Variants in CEACAM19 observed in about 807,000 individuals in gnomAD.
CEACAM19 encodes cell adhesion molecule CEACAM19.
A neutral mutation model predicts 37.6 loss-of-function variants in CEACAM19; 37 were observed. The ratio of observed to expected loss-of-function variants is 0.98; its 90% CI spans 0.76 to 1.29. The LOEUF is 1.29. CEACAM19 is among the 50% of genes most tolerant of loss of function. CEACAM19 has a pLI of 0.00. For missense variants in CEACAM19, 340 were observed against 375.6 expected, an observed-to-expected ratio of 0.91 and a Z score of 0.78; for synonymous variants, 140 against 149.8, an observed-to-expected ratio of 0.93 and a Z score of 0.48.
chr19:44,672,669 T>G lies in CEACAM19; in HGVS notation c.129T>G (p.Pro43=), dbSNP rs1973876500. 4 of 1,538,086 alleles carry G rather than the reference T, an allele frequency of 2.6e-6. No homozygotes were observed. In the East Asian group the frequency reaches 9.5e-5, roughly 36 times the overall value. ...ALYIQKIPEQ[P]QKNQDLLLSV... ...ACATCCAGAAGATTCCAGAGCAGCC[T>G]CAAAAGAACCAGGACCTTCTCCTGT... The change falls in exon 2 of 8, where the codon CCT becomes CCG. Residue 43 remains proline (P), a synonymous_variant. Transcript: ENST00000358777.
At chr19:44,680,565 C>A (rs546795272) in intron 5 of CEACAM19, among the ~76,000 whole-genome samples, 1 of 152,096 alleles carries the variant, frequency 6.6e-6, no homozygotes, top group East Asian at 1.9e-4. Context: ...TCCCATCATG[C>A]AAGTGGATCC....
rs867485869 is a variant in CEACAM19 at position 44,676,345 on chromosome 19, C to T, written c.499C>T (p.Leu167Phe). ...CCTGGCGGCCACCATCATTGGATCT[C>T]TTGCTGCCGGGGCCCTTCTCATCAG... is the stretch of plus-strand genomic sequence containing the variant. ...GILAATIIGS[L>F]AAGALLISCI... Residue 167 changes from leucine (L) to phenylalanine (F), a missense_variant, in exon 3 of 8, where the codon CTT (leucine) becomes TTT (phenylalanine). Leu to Phe is a conservative substitution (Grantham distance 22, BLOSUM62 0). Transcript: ENST00000358777. The T allele has an allele frequency of 1.9e-6, 3 of 1,614,168 alleles. No homozygotes were observed. In the Middle Eastern group the frequency reaches 4.9e-4, roughly 266 times the overall value.
rs563234535 is a variant in CEACAM19, at chr19:44,683,790, C to T, written c.*300C>T. On this transcript the variant is annotated 3_prime_UTR_variant, in exon 8 of 8. Coordinates refer to ENST00000358777, the MANE Select transcript of CEACAM19 (RefSeq NM_001127893.3). ...CTCTGGCCCCTTTCCATGCCAAAGT[C>T]CCCCAAGATCTGGATATCTGGGGAC... is the stretch of plus-strand genomic sequence containing the variant. 6.0e-6 allele frequency: 2 copies of T among 335,446 alleles called. No homozygotes were observed. The highest frequency in any genetic ancestry group is 2.1e-5 in the African/African-American group (1 of 47,196). 20.8% of individuals were successfully genotyped at this position (335,446 alleles called of 1,614,324 possible).
chr19:44,672,994 G>C, intron 2 of CEACAM19, 30 bp downstream of exon 2: 1 of 1,443,976 alleles, frequency 6.9e-7, no homozygotes, highest in Non-Finnish European at 9.1e-7. Flanking sequence ...GATGAGGTGA[G>C]GAAGCTAATG....
intron 2 of CEACAM19, among the ~76,000 whole-genome samples, chr19:44,673,293 G>A (rs1973890611): frequency 6.6e-6 from 1 of 152,180 alleles, no homozygotes; most frequent in Non-Finnish European, 1.5e-5. Context: ...CAATCTTTAT[G>A]TTTATAAAGC....
intron 2 of CEACAM19, among the ~76,000 whole-genome samples, chr19:44,676,069 C>T (rs867443139): frequency 1.7e-4 from 26 of 152,134 alleles, no homozygotes; most frequent in African/African-American, 5.8e-4. Context: ...CACGCCCAGC[C>T]CGCTGGGACA....
chr19:44,671,599 G>T lies in CEACAM19; in HGVS notation c.-333G>T. ...AACCCAGGGGAATTGTTCAAACAGAGGCTGTTATGACTATTGCTACAGTGA... is the reference window on the plus strand; with the variant it reads ...AACCCAGGGGAATTGTTCAAACAGATGCTGTTATGACTATTGCTACAGTGA... On this transcript the variant is annotated 5_prime_UTR_variant, in exon 1 of 8. The change creates a new upstream start codon in the 5' untranslated region. Transcript: ENST00000358777. 2.4e-6 allele frequency: 1 copy of T among 421,116 alleles called. No individual in the cohort carries two copies. Among genetic ancestry groups the T allele is most frequent in the South Asian group, 9.7e-5 (1 of 10,264 alleles). 26.1% of individuals were successfully genotyped at this position (421,116 alleles called of 1,614,324 possible).
intron 6 of CEACAM19, 44 bp from the exon 7 acceptor site, chr19:44,682,523 T>G (rs1974078946): frequency 6.5e-7 from 1 of 1,549,064 alleles, no homozygotes; most frequent in African/African-American, 1.4e-5. Flanking sequence ...GTTTAGAGGG[T>G]GGGGGGTGCC....
At chr19:44,679,876 G>A (rs1293421548) in intron 4 of CEACAM19, among the ~76,000 whole-genome samples, 1 of 152,206 alleles carries the variant, frequency 6.6e-6, no homozygotes, top group Non-Finnish European at 1.5e-5. Flanking sequence ...GTTGCAGTGA[G>A]CTGAGATCAC....
Position 44,684,227 on chromosome 19 carries a change from G to T in CEACAM19, c.*737G>T, listed in dbSNP as rs1010932822. The T allele has an allele frequency of 2.6e-5, 4 of 152,200 alleles. No individual in the cohort carries two copies. The highest frequency in any genetic ancestry group is 9.7e-5 in the African/African-American group (4 of 41,408). 9.4% of individuals were successfully genotyped at this position (152,200 alleles called of 1,614,324 possible). A position where few individuals can be genotyped will look rare whatever the true frequency, so the allele number is the denominator to read the frequency against. ...ACTATGCATTCATTCAGCAATAAAT[G>T]AGCCTTTGCTGTATGCCAGACCCAG... is the stretch of plus-strand genomic sequence containing the variant. On this transcript the variant is annotated 3_prime_UTR_variant, in exon 8 of 8. Coordinates refer to ENST00000358777, the MANE Select transcript of CEACAM19 (RefSeq NM_001127893.3).
rs1974105149 is a variant in CEACAM19 at position 44,683,594 on chromosome 19, C to T, written c.*104C>T. ...GACAAGGCCATTGGGGGCTGTGGGG[C>T]CGATGAGGTGGACTCAGCCAAAGAC... is the stretch of plus-strand genomic sequence containing the variant. On this transcript the variant is annotated 3_prime_UTR_variant, in exon 8 of 8. Coordinates refer to ENST00000358777, the MANE Select transcript of CEACAM19 (RefSeq NM_001127893.3). 2 of 677,276 alleles carry T rather than the reference C, an allele frequency of 3.0e-6. No homozygotes were observed. Among genetic ancestry groups the T allele is most frequent in the East Asian group, 6.1e-5 (2 of 32,570 alleles). The allele number at this position is 677,276 out of a possible 1,614,324, so 42.0% of individuals were successfully genotyped here.
chr19:44,682,645 G>A (rs992789987), intron 7 of CEACAM19, 25 bp downstream of exon 7: 3 of 1,585,966 alleles, frequency 1.9e-6, no homozygotes, highest in African/African-American at 2.7e-5. Context: ...GCTGGGAGGG[G>A]TGGTGGGGAT....
In CEACAM19 at chr19:44,684,121, C is replaced by A. The variant is rs1441214470; in HGVS notation, c.*631C>A. On this transcript the variant is annotated 3_prime_UTR_variant, in exon 8 of 8. Transcript: ENST00000358777. ...CCCCCACCCTGAATCTTACTGAGTC[C>A]CTCTGGGCAGCAGCTCCCTTCTCCA... The A allele has an allele frequency of 6.6e-6, 1 of 152,362 alleles. No individual in the cohort carries two copies. The highest frequency in any genetic ancestry group is 2.4e-5 in the African/African-American group (1 of 41,446). The allele number at this position is 152,362 out of a possible 1,614,324, so 9.4% of individuals were successfully genotyped here. A position where few individuals can be genotyped will look rare whatever the true frequency, so the allele number is the denominator to read the frequency against.
At chr19:44,676,459 C>T (rs1371794977) in intron 3 of CEACAM19, 38 bp downstream of exon 3, 1 of 1,605,026 alleles carries the variant, frequency 6.2e-7, no homozygotes, top group Non-Finnish European at 8.5e-7. Flanking sequence ...TGTCTGCTCC[C>T]ACTGTCTTCT....
rs1445621176 is a variant in CEACAM19 at position 44,683,937 on chromosome 19, A to T, written c.*447A>T. 1 of 155,718 alleles carries T rather than the reference A, an allele frequency of 6.4e-6. No homozygotes were observed. Among genetic ancestry groups the T allele is most frequent in the African/African-American group, 2.4e-5 (1 of 41,594 alleles). The allele number at this position is 155,718 out of a possible 1,614,324, so 9.6% of individuals were successfully genotyped here. On this transcript the variant is annotated 3_prime_UTR_variant, in exon 8 of 8. Coordinates refer to ENST00000358777, the MANE Select transcript of CEACAM19 (RefSeq NM_001127893.3). ...GTCTTCTCCCCTTAGGACAAGGCAG[A>T]CACCCCACCATGCGGGCCTCAGGTG...
intron 4 of CEACAM19, among the ~76,000 whole-genome samples, chr19:44,679,183 G>A (rs1974009330): frequency 6.6e-6 from 1 of 152,100 alleles, no homozygotes; most frequent in African/African-American, 2.4e-5. Context: ...TGTAGAGACG[G>A]GATCTCACTT....
upstream of CEACAM19, among the ~76,000 whole-genome samples, chr19:44,670,781 G>GAAAAA (rs74691226): frequency 3.8e-4 from 22 of 58,172 alleles, no homozygotes; most frequent in Non-Finnish European, 6.4e-4. Context: ...CCTGTCTCAA[G>GAAAAA]AAAAAAAAAA....
intron 3 of CEACAM19, 193 bp from the exon 4 acceptor site, chr19:44,678,660 C>CT (rs1435933030): frequency 4.9e-5 from 32 of 655,232 alleles, no homozygotes; most frequent in Non-Finnish European, 6.9e-5. Context: ...ATCTGCCCAC[C>CT]TTGGCCTCCC....
chr19:44,668,022 A>T (rs1290876318), upstream of CEACAM19, among the ~76,000 whole-genome samples: 77 of 85,940 alleles, frequency 9.0e-4, 4 homozygotes, highest in East Asian at 0.025. Context: ...TTATTTATAT[A>T]GTATATATTA....
Sources: gnomAD v4.1 joint callset for allele counts (sites outside exome capture counted in the v4.1 genomes callset) on GRCh38, gnomAD v4.1.1 for gene constraint, MANE v1.5 for transcripts, NCBI Gene and HGNC (gene_info 2026-07-23, HGNC 2026-07-21) for gene names.